IGFN1: variants seen among roughly 807,000 people sequenced by gnomAD.
IGFN1 encodes the protein immunoglobulin like and fibronectin type III domain containing 1.
In IGFN1, 253 loss-of-function variants were observed where a neutral mutation model predicts 289.5. The ratio of observed to expected loss-of-function variants is 0.87; its 90% CI spans 0.79 to 0.97. The LOEUF is 0.97. IGFN1 is among the 50% of genes least tolerant of loss of function. IGFN1 has a pLI of 0.00. For synonymous variants in IGFN1, 1,706 were observed against 1,788.5 expected, an observed-to-expected ratio of 0.95 and a Z score of 1.16; for missense variants, 4,470 against 4,686.1, an observed-to-expected ratio of 0.95 and a Z score of 1.35.
chr1:201,207,678 A>T lies in IGFN1; in HGVS notation c.2785A>T (p.Ser929Cys), dbSNP rs1667492347. 26 of 1,536,976 alleles carry T rather than the reference A, an allele frequency of 1.7e-5. No individual in the cohort carries two copies. Among genetic ancestry groups the T allele is most frequent in the Non-Finnish European group, 2.2e-5 (25 of 1,146,902 alleles). Residue 929 changes from serine (S) to cysteine (C), a missense_variant, in exon 12 of 24, where the codon AGC becomes TGC. Ser to Cys is a moderately radical substitution (Grantham distance 112). This residue lies in a region of IGFN1 where 2,011 missense variants were observed against 1,953.4 expected (regional missense o/e 1.03). Coordinates refer to ENST00000335211, the MANE Select transcript of IGFN1 (RefSeq NM_001164586.2). ...ACCAGATTTCTGGAATGGGTCAGGG[A>T]GCTCCAGAGTAAAAGGACCCAGAGG... ...SEPDFWNGSG[S>C]SRVKGPRGET...
chr1:201,212,699 C>T lies in IGFN1; in HGVS notation c.7806C>T (p.Gly2602=), dbSNP rs1291520425. 1.3e-6 allele frequency: 2 copies of T among 1,549,314 alleles called. No individual in the cohort carries two copies. Among genetic ancestry groups the T allele is most frequent in the African/African-American group, 1.4e-5 (1 of 72,988 alleles). The change falls in exon 12 of 24, where the codon GGC becomes GGT. Residue 2602 remains glycine, a synonymous_variant. Coordinates refer to ENST00000335211, the MANE Select transcript of IGFN1 (RefSeq NM_001164586.2). ...SVGTGQDLDS[G]SMPGGRGKST... is the part of the protein sequence containing the mutation. ...GGACAGGTCAGGATCTGGACAGCGG[C>T]TCTATGCCTGGGGGAAGGGGCAAGT...
intron 3 of IGFN1, among the ~76,000 whole-genome samples, chr1:201,195,300 T>TGC: frequency 6.6e-6 from 1 of 152,072 alleles, no homozygotes; most frequent in African/African-American, 2.4e-5. Context: ...TACAGGCACA[T>TGC]GCCACCAAGC....
rs77034984 is a variant in IGFN1 at position 201,228,130 on chromosome 1, C to G, written c.11114-256C>G. 2.4e-3 allele frequency among the ~76,000 whole-genome samples: 371 copies of G among 152,340 alleles called. 13 individuals carry two copies. The East Asian group carries it at 0.067, about 27-fold the overall frequency. Reference sequence around the variant, plus strand: ...GTGCTTAGGCATTTAGGAAGCCACTCTCGAAACACCCCAGCTTGTGTACAC... The same window carrying G: ...GTGCTTAGGCATTTAGGAAGCCACTGTCGAAACACCCCAGCTTGTGTACAC... On this transcript the variant is annotated intron_variant, in intron 23 of 23. Transcript: ENST00000335211.
intron 15 of IGFN1, chr1:201,216,225 A>C (rs527428800): frequency 1.0e-5 from 6 of 602,032 alleles, no homozygotes; most frequent in Non-Finnish European, 5.9e-6. Flanking sequence ...ATTCCATGGC[A>C]CATCCCTGGG....
chr1:201,209,091 G>T lies in IGFN1; in HGVS notation c.4198G>T (p.Gly1400Trp), dbSNP rs755263294. The T allele has an allele frequency of 1.6e-5, 25 of 1,535,490 alleles. No individual in the cohort carries two copies. The highest frequency in any genetic ancestry group is 1.8e-5 in the Non-Finnish European group (21 of 1,146,444). The change falls in exon 12 of 24, where the codon GGG becomes TGG. Residue 1400 changes from glycine (G) to tryptophan (W), a missense_variant. By Grantham distance (184) the Gly-to-Trp change is radical (BLOSUM62 -2). This residue lies in a region of IGFN1 where 2,011 missense variants were observed against 1,953.4 expected (regional missense o/e 1.03). Transcript: ENST00000335211. ...TTACAGGGCTGGTTTAAGGGGTCCT[G>T]GGGAGATGGGGTCACTGGATGAGTC... is the stretch of plus-strand genomic sequence containing the variant. Reference protein sequence around the residue: ...AGYRAGLRGPGEMGSLDESGH... With the variant: ...AGYRAGLRGPWEMGSLDESGH...
At chr1:201,196,130 C>G (rs1164672530) in intron 4 of IGFN1, among the ~76,000 whole-genome samples, 152 bp downstream of exon 4, 1 of 152,202 alleles carries the variant, frequency 6.6e-6, no homozygotes, top group Non-Finnish European at 1.5e-5. Flanking sequence ...CTCAAAGTTG[C>G]CTGAGCCAAG....
In IGFN1 at chr1:201,221,726, TG is replaced by T; in HGVS notation, c.10182del (p.Gln3395LysfsTer21). The T allele has an allele frequency of 6.3e-7, 1 of 1,596,142 alleles. No individual in the cohort carries two copies. The highest frequency in any genetic ancestry group is 1.3e-5 in the African/African-American group (1 of 74,830). On this transcript the variant is annotated frameshift_variant, in exon 19 of 24. Transcript: ENST00000335211. LOFTEE classifies it high-confidence loss of function. Reference protein sequence around the residue: ...QSQPSALDTLVQAMPVTVCPK... With the variant: ...QSQPSALDTLXQAMPVTVCPK... ...CAGCCCAGTGCCCTGGACACATTAG[TG>T]CAAGCCATGCCTGTTACTGGTGAGT...
chr1:201,206,807 G>A lies in IGFN1; in HGVS notation c.1914G>A (p.Met638Ile), dbSNP rs1345595388. Residue 638 changes from methionine to isoleucine, a missense_variant, in exon 12 of 24, where the codon ATG becomes ATA. This residue lies in a region of IGFN1 where 2,011 missense variants were observed against 1,953.4 expected (regional missense o/e 1.03). Transcript: ENST00000335211. ...EISQDDSLAEMDRGDAPSRER... is the reference protein window; with the variant it reads ...EISQDDSLAEIDRGDAPSRER... Reference sequence around the variant, plus strand: ...CACAGGATGACAGCCTGGCTGAGATGGACAGAGGGGATGCTCCAAGTAGGG... The same window carrying A: ...CACAGGATGACAGCCTGGCTGAGATAGACAGAGGGGATGCTCCAAGTAGGG... 1.8e-5 allele frequency: 28 copies of A among 1,536,858 alleles called. No homozygotes were observed. The highest frequency in any genetic ancestry group is 2.4e-5 in the Non-Finnish European group (27 of 1,146,908).
rs753866797 is a variant in IGFN1 at position 201,221,469 on chromosome 1, C to G, written c.9924C>G (p.Leu3308=). The change falls in exon 19 of 24, where the codon CTC becomes CTG. Residue 3308 remains leucine (L), a synonymous_variant. Transcript: ENST00000335211. The stretch of plus-strand genomic sequence containing the variant: ...GACCCCCTGGGCTGGTGAGGAATCT[C>G]CAAGTCACAGACAGATCGAACACCA... ...PMRPPGLVRN[L]QVTDRSNTSI... 5.0e-6 allele frequency: 8 copies of G among 1,603,836 alleles called. No homozygotes were observed. The Admixed American group carries it at 1.3e-4, about 27-fold the overall frequency.
At chr1:201,217,488 TC>T (rs1229087440) in intron 17 of IGFN1, 28 bp downstream of exon 17, 2 of 1,609,928 alleles carry the variant, frequency 1.2e-6, no homozygotes, top group South Asian at 1.1e-5. Context: ...TTCCAGAGCT[TC>T]CTTAGACCCC....
rs1667862399 is a variant in IGFN1, at chr1:201,212,394, G to T, written c.7501G>T (p.Gly2501Trp). ...ATGGCAAGACAGTTCTGGGACTCCA[G>T]GGTCTTCTAGAGACAGAGGGGCTCC... The part of the protein sequence containing the change: ...KEWQDSSGTP[G>W]SSRDRGAPRV... The change falls in exon 12 of 24, where the codon GGG becomes TGG. Residue 2501 changes from glycine to tryptophan, a missense_variant. By Grantham distance (184) the Gly-to-Trp change is radical. Transcript: ENST00000335211. 6.5e-7 allele frequency: 1 copy of T among 1,536,846 alleles called. No homozygotes were observed. Among genetic ancestry groups the T allele is most frequent in the Admixed American group, 2.0e-5 (1 of 50,956 alleles).
chr1:201,197,130 A>G (rs573763536), intron 4 of IGFN1, 88 bp from the exon 5 acceptor site: 15 of 771,680 alleles, frequency 1.9e-5, no homozygotes, highest in Non-Finnish European at 3.3e-5. Flanking sequence ...TGTCTTACTC[A>G]CTTTATACCC....
At chr1:201,202,751 C>CCCTCCCTCCCTCCCTT (rs1193705003) in intron 9 of IGFN1, among the ~76,000 whole-genome samples, 2 of 38,972 alleles carry the variant, frequency 5.1e-5, no homozygotes, top group Admixed American at 3.3e-4. Context: ...CTCCCTCCCT[C>CCCTCCCTCCCTCCCTT]CCTTCCTTCC....
At chr1:201,196,088 T>G (rs375225991) in intron 4 of IGFN1, 110 bp downstream of exon 4, 1 of 1,090,050 alleles carries the variant, frequency 9.2e-7, no homozygotes, top group South Asian at 1.8e-5. Flanking sequence ...TACTCCTCGT[T>G]GAGGTTGAAT....
chr1:201,215,826 C>A lies in IGFN1; in HGVS notation c.9283C>A (p.Leu3095Met). ...AGGCTCTGTGCAGGCCGAGCTCACTCTGCAAGTCATAGGTACCAGCCCTGT... is the reference window on the plus strand; with the variant it reads ...AGGCTCTGTGCAGGCCGAGCTCACTATGCAAGTCATAGGTACCAGCCCTGT... ...EGGSVQAELT[L>M]QVIDKPDPPQ... The change falls in exon 15 of 24, where the codon CTG becomes ATG. Residue 3095 changes from leucine to methionine, a missense_variant. Around this residue, in one of 8 missense-constraint regions of IGFN1, gnomAD observed 2,218 missense variants for 2,114.1 expected, o/e 1.05. Transcript: ENST00000335211. 1.3e-6 allele frequency: 2 copies of A among 1,599,700 alleles called. No individual in the cohort carries two copies. Among genetic ancestry groups the A allele is most frequent in the Non-Finnish European group, 8.5e-7 (1 of 1,172,706 alleles).
chr1:201,208,630 CA>C lies in IGFN1; in HGVS notation c.3738del (p.Gly1248ValfsTer63). On this transcript the variant is annotated frameshift_variant, in exon 12 of 24. Transcript: ENST00000335211. LOFTEE classifies it high-confidence loss of function. ...GGCCTTGGGCCTAGGAGTACAGGGCCAGGGGGTGAGGCAGGCTTTAGAGATG... is the reference window on the plus strand; with the variant it reads ...GGCCTTGGGCCTAGGAGTACAGGGCCGGGGGTGAGGCAGGCTTTAGAGATG... ...SRGLGPRSTG[P>X]GGEAGFRDGS... 1.3e-6 allele frequency: 2 copies of C among 1,530,144 alleles called. No homozygotes were observed. Among genetic ancestry groups the C allele is most frequent in the Non-Finnish European group, 8.7e-7 (1 of 1,143,824 alleles). The allele number at this position is 1,530,144 out of a possible 1,614,324, so 94.8% of individuals were successfully genotyped here.
At chr1:201,192,156 G>A (rs188252493) in intron 1 of IGFN1, among the ~76,000 whole-genome samples, 55 of 152,150 alleles carry the variant, frequency 3.6e-4, no homozygotes, top group Non-Finnish European at 1.5e-4. Flanking sequence ...ATTCCAGCAC[G>A]CTAGGGTGCA....
At chr1:201,205,457 A>G (rs1667370861) in intron 11 of IGFN1, 103 bp downstream of exon 11, 4 of 1,277,546 alleles carry the variant, frequency 3.1e-6, no homozygotes, top group Non-Finnish European at 4.2e-6. Flanking sequence ...GGTCAGAGAG[A>G]ATAAGGAAAG....
At chr1:201,226,565 C>T (rs1259008502) in intron 22 of IGFN1, among the ~76,000 whole-genome samples, 1 of 152,174 alleles carries the variant, frequency 6.6e-6, no homozygotes, top group Admixed American at 6.5e-5. Flanking sequence ...CAGGAAAGCT[C>T]TACACCAGAA....
Sources: allele counts gnomAD v4.1 joint callset (sites outside exome capture counted in the v4.1 genomes callset), GRCh38; gene constraint gnomAD v4.1.1; regional missense constraint gnomAD v4.1.1; transcripts MANE v1.5; gene names NCBI Gene and HGNC (gene_info 2026-07-23, HGNC 2026-07-21).